PAK3: variants seen among roughly 807,000 people sequenced by gnomAD.
PAK3 encodes the protein p21 (RAC1) activated kinase 3.
A neutral mutation model predicts 41.0 loss-of-function variants in PAK3; 4 were observed. That is an observed-to-expected ratio of 0.10 (90% CI 0.05 to 0.22). PAK3 has a LOEUF of 0.22. PAK3 is among the 10% of genes least tolerant of loss of function. The pLI is 1.00. For synonymous variants in PAK3, 146 were observed against 139.6 expected (o/e 1.05, Z -0.32); for missense variants, 205 against 409.9 (o/e 0.50, Z 4.32).
chrX:110,951,001 GA>G (rs201602962), intron 1 of PAK3, among the ~76,000 whole-genome samples: 310 of 111,253 alleles, frequency 2.8e-3, no homozygotes, highest in Non-Finnish European at 4.9e-3. Context: ...TGTGAAGGCT[GA>G]AAAAAAATCT....
Position 111,097,392 on chromosome X carries a change from T to C in PAK3, c.-350T>C, listed in dbSNP as rs1301045804. ...TTTTTTTTGGTCCCACCTTTCAGAA[T>C]CCAGTTCCAGATTCTAGACTTGAGG... On this transcript the variant is annotated splice_region_variant and 5_prime_UTR_variant, in exon 2 of 18. Coordinates refer to ENST00000372007, the MANE Select transcript of PAK3 (RefSeq NM_002578.5). The C allele has an allele frequency of 1.0e-5, 1 of 99,912 alleles. No individual in the cohort carries two copies. The highest frequency in any genetic ancestry group is 2.0e-5 in the Non-Finnish European group (1 of 49,735). The allele number at this position is 99,912 out of a possible 1,213,427, so 8.2% of individuals were successfully genotyped here.
chrX:111,199,492 T>C (rs1347502817), intron 16 of PAK3, among the ~76,000 whole-genome samples: 2 of 111,576 alleles, frequency 1.8e-5, no homozygotes, highest in African/African-American at 6.5e-5. Context: ...TTACATGACA[T>C]GGTTAAATGA....
At chrX:110,999,644 G>T (rs1281603388) in intron 1 of PAK3, among the ~76,000 whole-genome samples, 1 of 106,153 alleles carries the variant, frequency 9.4e-6, no homozygotes, top group East Asian at 2.9e-4. Flanking sequence ...GGGAGTGGTG[G>T]TGGTGGTAGT....
chrX:111,211,907 A>C (rs748035461), intron 16 of PAK3, among the ~76,000 whole-genome samples: 4 of 111,014 alleles, frequency 3.6e-5, no homozygotes, highest in Non-Finnish European at 5.7e-5. Context: ...GATGGACTGA[A>C]GAATAAAAAA....
intron 16 of PAK3, among the ~76,000 whole-genome samples, chrX:111,207,207 T>C (rs182444161): frequency 7.4e-4 from 80 of 108,556 alleles, no homozygotes; most frequent in Middle Eastern, 4.7e-3. Flanking sequence ...TGTATATATA[T>C]ACACATATAC....
At chrX:110,989,072 A>T (rs767953377) in intron 1 of PAK3, among the ~76,000 whole-genome samples, 23 of 112,157 alleles carry the variant, frequency 2.1e-4, no homozygotes, top group African/African-American at 7.4e-4. Context: ...TTCAGTCCTG[A>T]CTTGATATGT....
intron 1 of PAK3, among the ~76,000 whole-genome samples, chrX:111,082,061 G>A (rs1268578283): frequency 8.9e-6 from 1 of 111,903 alleles, no homozygotes; most frequent in Non-Finnish European, 1.9e-5. Flanking sequence ...GAAAAATTAC[G>A]AAGAAAATAA....
At chrX:111,198,960 C>T (rs1457905472) in intron 16 of PAK3, among the ~76,000 whole-genome samples, 2 of 111,648 alleles carry the variant, frequency 1.8e-5, no homozygotes, top group Admixed American at 9.5e-5. Flanking sequence ...TATCCAAGAG[C>T]ATGGAAAGTT....
intron 11 of PAK3, among the ~76,000 whole-genome samples, chrX:111,173,739 G>A (rs973004021): frequency 2.7e-5 from 3 of 111,478 alleles, no homozygotes; most frequent in South Asian, 3.7e-4. Context: ...CAATACATGG[G>A]TACCATTGCA....
intron 1 of PAK3, among the ~76,000 whole-genome samples, chrX:111,043,017 G>A (rs1052366978): frequency 2.7e-5 from 3 of 111,673 alleles, no homozygotes; most frequent in African/African-American, 9.8e-5. Context: ...GGCCAGGGGT[G>A]GTGGCTCACG....
At chrX:111,045,406 T>C (rs1007957749) in intron 1 of PAK3, among the ~76,000 whole-genome samples, 3 of 112,010 alleles carry the variant, frequency 2.7e-5, no homozygotes, top group African/African-American at 9.7e-5. Flanking sequence ...TTTCTATTGA[T>C]ATTTGAGAGG....
intron 17 of PAK3, among the ~76,000 whole-genome samples, chrX:111,217,872 A>G (rs1352646325): frequency 8.9e-6 from 1 of 112,415 alleles, no homozygotes; most frequent in Non-Finnish European, 1.9e-5. Context: ...TTGAAGGTGT[A>G]GGTTATCTTC....
chrX:111,037,756 C>T (rs778161529), intron 1 of PAK3, among the ~76,000 whole-genome samples: 3 of 111,603 alleles, frequency 2.7e-5, no homozygotes, highest in Non-Finnish European at 5.6e-5. Flanking sequence ...ATGAGGCAAA[C>T]TATCTTCTTT....
At chrX:111,060,501 G>A (rs1200792621) in intron 1 of PAK3, among the ~76,000 whole-genome samples, 1 of 111,691 alleles carries the variant, frequency 9.0e-6, no homozygotes, top group Admixed American at 9.5e-5. Flanking sequence ...TGAATGAGTA[G>A]TGTTAACTCT....
At chrX:111,056,197 G>A (rs1328072072) in intron 1 of PAK3, among the ~76,000 whole-genome samples, 1 of 111,450 alleles carries the variant, frequency 9.0e-6, no homozygotes, top group Non-Finnish European at 1.9e-5. Flanking sequence ...AACCAGAATG[G>A]TTGTGGAACA....
chrX:110,953,864 C>A (rs1300004895), intron 1 of PAK3, among the ~76,000 whole-genome samples: 1 of 111,833 alleles, frequency 8.9e-6, no homozygotes, highest in Non-Finnish European at 1.9e-5. Context: ...ATTTCAAGCC[C>A]TTTGGCACAC....
At chrX:110,990,166 A>G (rs1001138774) in intron 1 of PAK3, among the ~76,000 whole-genome samples, 1 of 111,736 alleles carries the variant, frequency 8.9e-6, no homozygotes, top group African/African-American at 3.3e-5. Context: ...ACCTGAGACA[A>G]CTTATTTAGC....
intron 5 of PAK3, among the ~76,000 whole-genome samples, chrX:111,134,158 A>G (rs981455268): frequency 2.7e-5 from 3 of 111,854 alleles, no homozygotes; most frequent in Non-Finnish European, 5.7e-5. Context: ...ATCTTGGGGG[A>G]GAATTGGTTG....
chrX:110,953,366 G>A (rs1266604038), intron 1 of PAK3, among the ~76,000 whole-genome samples: 2 of 111,567 alleles, frequency 1.8e-5, no homozygotes, highest in African/African-American at 6.5e-5. Context: ...ATAAAATGAG[G>A]GCATCGTTAG....
Sources: gnomAD v4.1 joint callset for allele counts (sites outside exome capture counted in the v4.1 genomes callset) on GRCh38, gnomAD v4.1.1 for gene constraint, MANE v1.5 for transcripts, NCBI Gene and HGNC (gene_info 2026-07-23, HGNC 2026-07-21) for gene names.